MED1: variants seen among roughly 807,000 people sequenced by gnomAD.
MED1 encodes the protein mediator complex subunit 1.
A neutral mutation model predicts 121.3 loss-of-function variants in MED1; 17 were observed. The observed-to-expected ratio is 0.14, with a 90% CI of 0.10 to 0.21. The LOEUF is 0.21. Ranked by LOEUF, MED1 falls within the 10% of genes least tolerant of loss-of-function variation. The pLI is 1.00. For synonymous variants in MED1, 661 were observed against 694.4 expected (o/e 0.95, Z 0.76); for missense variants, 1,558 against 1,919.4 (o/e 0.81, Z 3.52).
At chr17:39,412,190 C>G (rs1223728136) in intron 16 of MED1, among the ~76,000 whole-genome samples, 1 of 150,550 alleles carries the variant, frequency 6.6e-6, no homozygotes, top group Non-Finnish European at 1.5e-5. Context: ...AGTTTGCAAA[C>G]GTTTTGCTCT....
chr17:39,449,215 C>T (rs2048758246), intron 1 of MED1, among the ~76,000 whole-genome samples: 1 of 152,158 alleles, frequency 6.6e-6, no homozygotes. Flanking sequence ...GGGTCTCGCT[C>T]TGTCGCCCAG....
At chr17:39,442,427 C>T (rs9893144) in intron 3 of MED1, among the ~76,000 whole-genome samples, 1 of 151,512 alleles carries the variant, frequency 6.6e-6, no homozygotes, top group South Asian at 2.1e-4. Context: ...GAAACCCCAT[C>T]TCTACTAAAA....
chr17:39,431,468 G>A (rs893298407), intron 8 of MED1, among the ~76,000 whole-genome samples: 16 of 151,964 alleles, frequency 1.1e-4, no homozygotes, highest in South Asian at 2.1e-4. Context: ...TAGTAGAGAC[G>A]GGGTTTCACC....
chr17:39,445,980 G>T (rs1370089713), intron 2 of MED1, among the ~76,000 whole-genome samples: 1 of 148,596 alleles, frequency 6.7e-6, no homozygotes, highest in African/African-American at 2.5e-5. Context: ...AGTGAGCCAA[G>T]ATCCCACCAC....
At chr17:39,416,583 C>T (rs1326544446) in intron 14 of MED1, among the ~76,000 whole-genome samples, 1 of 152,138 alleles carries the variant, frequency 6.6e-6, no homozygotes, top group East Asian at 1.9e-4. Flanking sequence ...CTTCTTAAGG[C>T]ATTTTAACAC....
chr17:39,410,091 C>T lies in MED1; in HGVS notation c.2130G>A (p.Arg710=). The T allele has an allele frequency of 6.2e-7, 1 of 1,613,962 alleles. No homozygotes were observed. The highest frequency in any genetic ancestry group is 8.5e-7 in the Non-Finnish European group (1 of 1,179,986). ...AGTCAACATCCATTGAAAATAGCTC[C>T]CTCTGAAAGTCATCTTCAGTCTGGT... ...PKHQTEDDFQ[R]ELFSMDVDSQ... Residue 710 remains arginine, a synonymous_variant, in exon 17 of 17, where the codon AGG becomes AGA. Transcript: ENST00000300651.
At chr17:39,431,921 T>G (rs752057147) in intron 8 of MED1, 21 bp downstream of exon 8, 1 of 1,540,082 alleles carries the variant, frequency 6.5e-7, no homozygotes, top group Non-Finnish European at 9.0e-7. Context: ...TCATGTAGAA[T>G]TAAGGTTTTA....
In MED1 at chr17:39,408,906, G is replaced by A. The variant is rs780118498; in HGVS notation, c.3315C>T (p.Ser1105=). 4.3e-6 allele frequency: 7 copies of A among 1,614,138 alleles called. No individual in the cohort carries two copies. In the African/African-American group the frequency reaches 5.3e-5, roughly 12 times the overall value. Residue 1105 remains serine (S), a synonymous_variant, in exon 17 of 17, where the codon TCC becomes TCT. Transcript: ENST00000300651. This position sits in a 1 kb window ranked among gnomAD's most constrained non-coding sequence, Gnocchi z 4.7. The stretch of plus-strand genomic sequence containing the variant: ...TCTTCCCTGAGGTGGAAGCAGATGA[G>A]GAAGAGGAGGAAGAATGGCTATGGT... ...KSHHSHSSSS[S]SSASTSGKMK...
intron 7 of MED1, 85 bp downstream of exon 7, chr17:39,434,164 G>C (rs763771634): frequency 1.4e-4 from 117 of 841,988 alleles, no homozygotes; most frequent in Admixed American, 2.9e-4. Context: ...AACAGCAGAA[G>C]AGGTGGCAAA....
intron 1 of MED1, among the ~76,000 whole-genome samples, chr17:39,450,151 T>C (rs2048768480): frequency 2.0e-5 from 3 of 151,866 alleles, no homozygotes; most frequent in Non-Finnish European, 4.4e-5. Context: ...GGCCTCAGTA[T>C]GTTGCCCAGG....
intron 2 of MED1, among the ~76,000 whole-genome samples, chr17:39,444,631 G>T (rs1490908579): frequency 6.6e-6 from 1 of 152,116 alleles, no homozygotes; most frequent in Admixed American, 6.6e-5. Context: ...AGCACTTTGG[G>T]AGGCCAAGGC....
chr17:39,425,105 T>C (rs1333103146), intron 10 of MED1, among the ~76,000 whole-genome samples: 1 of 152,122 alleles, frequency 6.6e-6, no homozygotes, highest in East Asian at 1.9e-4. Flanking sequence ...GGTCTCGATC[T>C]CTTGACTTCA....
Position 39,410,663 on chromosome 17 carries a change from C to G in MED1, c.1558G>C (p.Ala520Pro). The G allele has an allele frequency of 6.2e-7, 1 of 1,614,148 alleles. No homozygotes were observed. The highest frequency in any genetic ancestry group is 8.5e-7 in the Non-Finnish European group (1 of 1,180,024). ...AIRRKAETIQADTPALSLIAE... is the reference protein window; with the variant it reads ...AIRRKAETIQPDTPALSLIAE... Reference sequence around the variant, plus strand: ...ATGAGGGACAGTGCTGGGGTGTCGGCTTGAATGGTTTCAGCTTTCCTCCGA... The same window carrying G: ...ATGAGGGACAGTGCTGGGGTGTCGGGTTGAATGGTTTCAGCTTTCCTCCGA... The change falls in exon 17 of 17, where the codon GCC becomes CCC. Residue 520 changes from alanine (A) to proline (P), a missense_variant. Ala to Pro is a conservative substitution (Grantham distance 27). Coordinates refer to ENST00000300651, the MANE Select transcript of MED1 (RefSeq NM_004774.4).
chr17:39,406,986 C>T lies in MED1; in HGVS notation c.*489G>A, dbSNP rs2048308433. The T allele has an allele frequency of 3.0e-6, 3 of 986,500 alleles. No homozygotes were observed. Among genetic ancestry groups the T allele is most frequent in the South Asian group, 9.4e-5 (2 of 21,322 alleles). 61.1% of individuals were successfully genotyped at this position (986,500 alleles called of 1,614,324 possible). A position where few individuals can be genotyped will look rare whatever the true frequency, so the allele number is the denominator to read the frequency against. ...AAAATGACCAAAGTCCTTCATTTGC[C>T]CATGACTCAAACGGACAACTACCTC... On this transcript the variant is annotated 3_prime_UTR_variant, in exon 17 of 17. Coordinates refer to ENST00000300651, the MANE Select transcript of MED1 (RefSeq NM_004774.4).
chr17:39,432,173 T>A (rs529170180), intron 7 of MED1, among the ~76,000 whole-genome samples, 157 bp from the exon 8 acceptor site: 16 of 151,558 alleles, frequency 1.1e-4, no homozygotes, highest in African/African-American at 3.9e-4. Flanking sequence ...CAAAACCCCA[T>A]CTCTACTAAA....
intron 7 of MED1, among the ~76,000 whole-genome samples, chr17:39,433,071 T>G (rs2048582653): frequency 6.6e-6 from 1 of 151,692 alleles, no homozygotes; most frequent in South Asian, 2.1e-4. Context: ...AGGTCAGTGG[T>G]GGGCGCCTTT....
intron 14 of MED1, 44 bp downstream of exon 14, chr17:39,419,669 GAAGT>G (rs773446251): frequency 3.1e-5 from 48 of 1,530,970 alleles, no homozygotes; most frequent in East Asian, 6.8e-5. Flanking sequence ...AACCACTGGA[GAAGT>G]AAGTTTCCAT....
Position 39,406,310 on chromosome 17 carries a change from G to A in MED1, c.*1165C>T, listed in dbSNP as rs1567916081. On this transcript the variant is annotated 3_prime_UTR_variant, in exon 17 of 17. Transcript: ENST00000300651. The stretch of plus-strand genomic sequence containing the variant: ...ATTTTTTACTGTTTTATCTCAGGGA[G>A]CATACAGTGGAGTGATTAAAGTTTG... 1 of 985,426 alleles carries A rather than the reference G, an allele frequency of 1.0e-6. No homozygotes were observed. Among genetic ancestry groups the A allele is most frequent in the Non-Finnish European group, 1.2e-6 (1 of 829,934 alleles). The allele number at this position is 985,426 out of a possible 1,614,324, so 61.0% of individuals were successfully genotyped here.
In MED1 at chr17:39,444,641, C is replaced by T. The variant is rs200733612; in HGVS notation, c.133-1013G>A. Among the ~76,000 whole-genome samples the T allele has an allele frequency of 5.9e-5, 9 of 152,088 alleles. No homozygotes were observed. In the East Asian group the frequency reaches 7.8e-4, roughly 13 times the overall value. ...ATCCCAGCACTTTGGGAGGCCAAGG[C>T]GAGCAGATCATGAGGTCAGGAGTTC... On this transcript the variant is annotated intron_variant, in intron 2 of 16. Coordinates refer to ENST00000300651, the MANE Select transcript of MED1 (RefSeq NM_004774.4).
Sources: allele counts gnomAD v4.1 joint callset (sites outside exome capture counted in the v4.1 genomes callset), GRCh38; gene constraint gnomAD v4.1.1; non-coding constraint Gnocchi (gnomAD v3.1); transcripts MANE v1.5; gene names NCBI Gene and HGNC (gene_info 2026-07-23, HGNC 2026-07-21).